NEGR1: variants seen among roughly 807,000 people sequenced by gnomAD.
NEGR1 encodes the protein neuronal growth regulator 1, also known as IgLON family member 4.
NEGR1 carries 10 observed loss-of-function variants against 40.9 expected under a neutral mutation model. That is an observed-to-expected ratio of 0.24 (90% CI 0.15 to 0.42). The LOEUF (loss-of-function observed/expected upper bound fraction) is 0.42, where lower values mean the gene tolerates loss of function less well. Ranked by LOEUF, NEGR1 falls within the 10% of genes least tolerant of loss-of-function variation. The probability of loss-of-function intolerance (pLI) is 1.00; values close to 1 mark genes in which losing one functional copy is unlikely to be tolerated. For missense variants in NEGR1, 352 were observed against 438.9 expected (o/e 0.80, Z 1.77); for synonymous variants, 185 against 166.8 (o/e 1.11, Z -0.84).
chr1:71,782,006 T>C (rs979635019), intron 2 of NEGR1, among the ~76,000 whole-genome samples: 6 of 152,102 alleles, frequency 3.9e-5, no homozygotes, highest in African/African-American at 1.4e-4. Context: ...AATTCGATCT[T>C]AAAAAATTGT....
At chr1:71,479,544 T>C (rs1217723445) in intron 6 of NEGR1, among the ~76,000 whole-genome samples, 1 of 151,998 alleles carries the variant, frequency 6.6e-6, no homozygotes, top group Non-Finnish European at 1.5e-5. Flanking sequence ...AGGTGTTATT[T>C]ATTCATTTCT....
At chr1:71,963,065 C>T (rs1277370216) in intron 1 of NEGR1, among the ~76,000 whole-genome samples, 1 of 151,888 alleles carries the variant, frequency 6.6e-6, no homozygotes, top group East Asian at 1.9e-4. Context: ...TTATGTAAGC[C>T]AGAGTATTTT....
intron 6 of NEGR1, among the ~76,000 whole-genome samples, chr1:71,436,229 C>CAAAAA (rs376091954): frequency 0.017 from 2,030 of 122,874 alleles, 51 homozygotes; most frequent in African/African-American, 0.055. Context: ...GTGAATATGG[C>CAAAAA]AAAAAAAAAA....
chr1:71,751,119 T>A (rs568754188), intron 3 of NEGR1, among the ~76,000 whole-genome samples: 25 of 152,136 alleles, frequency 1.6e-4, no homozygotes, highest in African/African-American at 5.8e-4. Context: ...CTGTATCCCT[T>A]TTTTAGCCTG....
intron 1 of NEGR1, among the ~76,000 whole-genome samples, chr1:72,255,694 G>C (rs915990251): frequency 1.3e-5 from 2 of 151,926 alleles, no homozygotes; most frequent in Admixed American, 6.6e-5. Context: ...GGGACTACAG[G>C]CATGCACCAC....
At chr1:72,099,474 T>C (rs1005256312) in intron 1 of NEGR1, among the ~76,000 whole-genome samples, 1 of 152,024 alleles carries the variant, frequency 6.6e-6, no homozygotes, top group Non-Finnish European at 1.5e-5. Flanking sequence ...TTCTAGCATT[T>C]GGCCTGCTTA....
chr1:71,465,522 A>G (rs1331250190), intron 6 of NEGR1, among the ~76,000 whole-genome samples: 1 of 152,066 alleles, frequency 6.6e-6, no homozygotes, highest in African/African-American at 2.4e-5. Flanking sequence ...AAAGAATAAC[A>G]ATCTTTTGAA....
intron 2 of NEGR1, among the ~76,000 whole-genome samples, chr1:71,927,344 G>C (rs922332587): frequency 6.6e-6 from 1 of 152,108 alleles, no homozygotes; most frequent in African/African-American, 2.4e-5. Context: ...GAGTTTTTCT[G>C]TCAAGGTATA....
At chr1:71,652,274 A>AT (rs1447738877) in intron 4 of NEGR1, among the ~76,000 whole-genome samples, 2 of 152,050 alleles carry the variant, frequency 1.3e-5, no homozygotes, top group African/African-American at 4.8e-5. Context: ...AATCTTTATC[A>AT]TTTTTTTACA....
intron 6 of NEGR1, among the ~76,000 whole-genome samples, chr1:71,592,356 A>T (rs2101520659): frequency 6.6e-6 from 1 of 152,272 alleles, no homozygotes; most frequent in Middle Eastern, 3.4e-3. Flanking sequence ...TTTGTCCATG[A>T]TCATTTACTT....
At chr1:71,784,340 A>G (rs1332633155) in intron 2 of NEGR1, among the ~76,000 whole-genome samples, 1 of 152,042 alleles carries the variant, frequency 6.6e-6, no homozygotes, top group Non-Finnish European at 1.5e-5. Flanking sequence ...CTCTAAGTAG[A>G]AAGGCTTTTT....
intron 2 of NEGR1, among the ~76,000 whole-genome samples, chr1:71,854,496 T>C (rs1659701971): frequency 6.6e-6 from 1 of 152,126 alleles, no homozygotes; most frequent in African/African-American, 2.4e-5. Context: ...CTCAATACTG[T>C]AAATCAATTG....
intron 2 of NEGR1, among the ~76,000 whole-genome samples, chr1:71,784,421 A>G (rs1437306256): frequency 6.6e-6 from 1 of 152,152 alleles, no homozygotes; most frequent in Non-Finnish European, 1.5e-5. Context: ...TAACCCTACA[A>G]GAAATGATGA....
intron 4 of NEGR1, among the ~76,000 whole-genome samples, chr1:71,656,235 G>A (rs745491840): frequency 6.6e-6 from 1 of 152,070 alleles, no homozygotes; most frequent in Non-Finnish European, 1.5e-5. Flanking sequence ...CTCTCATGAC[G>A]TAGTAAAGAA....
At chr1:71,675,481 A>G (rs765425958) in intron 4 of NEGR1, among the ~76,000 whole-genome samples, 1 of 151,716 alleles carries the variant, frequency 6.6e-6, no homozygotes, top group East Asian at 2.0e-4. Flanking sequence ...CTATATATCT[A>G]TATGTATCTC....
intron 6 of NEGR1, among the ~76,000 whole-genome samples, chr1:71,513,619 A>G (rs1055553782): frequency 6.6e-6 from 1 of 152,200 alleles, no homozygotes; most frequent in Non-Finnish European, 1.5e-5. Flanking sequence ...AAGTCCTATT[A>G]GGTATATGTT....
At chr1:71,724,574 G>T (rs1029517245) in intron 3 of NEGR1, among the ~76,000 whole-genome samples, 1 of 151,992 alleles carries the variant, frequency 6.6e-6, no homozygotes, top group African/African-American at 2.4e-5. Context: ...AGATGCTTTT[G>T]TATTCTTATG....
chr1:71,824,581 A>G (rs1200001439), intron 2 of NEGR1, among the ~76,000 whole-genome samples: 3 of 151,992 alleles, frequency 2.0e-5, no homozygotes, highest in Admixed American at 6.6e-5. Context: ...GTTCAAAGCA[A>G]TGAATTTTGA....
At chr1:71,581,324 T>A (rs372012661) in intron 6 of NEGR1, among the ~76,000 whole-genome samples, 1 of 152,212 alleles carries the variant, frequency 6.6e-6, no homozygotes, top group Admixed American at 6.5e-5. Context: ...TGAATATTAA[T>A]AGGGATTAAA....
Sources: gnomAD v4.1 joint callset for allele counts (sites outside exome capture counted in the v4.1 genomes callset) on GRCh38, gnomAD v4.1.1 for gene constraint, MANE v1.5 for transcripts, NCBI Gene and HGNC (gene_info 2026-07-23, HGNC 2026-07-21) for gene names.